The following VTI1A variants were observed in gnomAD, a reference collection of about 807,000 sequenced individuals.
VTI1A encodes the protein vesicle transport through interaction with t-SNAREs 1A, also known as vesicle transport through interaction with t-SNAREs homolog 1A.
In VTI1A, 22 loss-of-function variants were observed where a neutral mutation model predicts 34.9. That is an observed-to-expected ratio of 0.63 (90% CI 0.45 to 0.90). The LOEUF is 0.90. VTI1A is among the 40% of genes least tolerant of loss of function. The pLI is 0.00. For missense variants in VTI1A, 268 were observed against 275.6 expected (o/e 0.97, Z 0.20); for synonymous variants, 87 against 97.3 (o/e 0.89, Z 0.62).
At chr10:112,610,088 A>C (rs952219988) in intron 5 of VTI1A, among the ~76,000 whole-genome samples, 2 of 152,206 alleles carry the variant, frequency 1.3e-5, no homozygotes, top group African/African-American at 4.8e-5. Flanking sequence ...AAAGAAAAAA[A>C]AATGAGGCGC....
At chr10:112,800,703 T>C (rs1852848434) in intron 7 of VTI1A, among the ~76,000 whole-genome samples, 1 of 152,208 alleles carries the variant, frequency 6.6e-6, no homozygotes. Flanking sequence ...TACTGTTTTC[T>C]TTCATAGAGA....
intron 7 of VTI1A, among the ~76,000 whole-genome samples, chr10:112,680,079 C>T (rs1286525492): frequency 6.6e-6 from 1 of 152,122 alleles, no homozygotes; most frequent in African/African-American, 2.4e-5. Context: ...AGTTTCGTAG[C>T]TAAATACCAT....
In VTI1A at chr10:112,609,491, T is replaced by C. The variant is rs1200805800; in HGVS notation, c.428-58727T>C. ...GATCAGATCTTGTTAATTTTCAAAGTCCTCTTCCTGAATCTAATACTTTTG... is the reference window on the plus strand; with the variant it reads ...GATCAGATCTTGTTAATTTTCAAAGCCCTCTTCCTGAATCTAATACTTTTG... On this transcript the variant is annotated intron_variant, in intron 5 of 7. Coordinates refer to ENST00000393077, the MANE Select transcript of VTI1A (RefSeq NM_145206.4). Among the ~76,000 whole-genome samples the C allele has an allele frequency of 3.9e-5, 6 of 152,224 alleles. No homozygotes were observed. In the South Asian group the frequency reaches 8.3e-4, roughly 21 times the overall value.
chr10:112,662,329 AT>A (rs1436283852), intron 5 of VTI1A, among the ~76,000 whole-genome samples: 2 of 152,124 alleles, frequency 1.3e-5, no homozygotes, highest in African/African-American at 4.8e-5. Flanking sequence ...CTCACAAGTT[AT>A]TGATGCTATG....
intron 5 of VTI1A, among the ~76,000 whole-genome samples, chr10:112,587,144 G>T (rs1331578917): frequency 6.6e-6 from 1 of 152,114 alleles, no homozygotes; most frequent in African/African-American, 2.4e-5. Context: ...CTGCAATAAT[G>T]TTTTAATTAA....
intron 4 of VTI1A, among the ~76,000 whole-genome samples, chr10:112,533,080 A>G (rs1850503077): frequency 6.6e-6 from 1 of 152,120 alleles, no homozygotes; most frequent in Non-Finnish European, 1.5e-5. Flanking sequence ...ATGAGCTATT[A>G]ATCATTTTCA....
intron 7 of VTI1A, among the ~76,000 whole-genome samples, chr10:112,787,532 C>T (rs1453669368): frequency 6.6e-6 from 1 of 152,014 alleles, no homozygotes; most frequent in African/African-American, 2.4e-5. Context: ...TCTCTAAGCT[C>T]TGCTTAAATT....
At chr10:112,491,162 C>A (rs1283709829) in intron 3 of VTI1A, among the ~76,000 whole-genome samples, 2 of 152,038 alleles carry the variant, frequency 1.3e-5, no homozygotes, top group East Asian at 3.9e-4. Context: ...ACATCAAAAT[C>A]CTAGAGGGAA....
chr10:112,706,207 C>T (rs1289863753), intron 7 of VTI1A, among the ~76,000 whole-genome samples: 1 of 152,166 alleles, frequency 6.6e-6, no homozygotes, highest in African/African-American at 2.4e-5. Flanking sequence ...GTTGCCACCT[C>T]CTGAGAACAT....
the VTI1A span, among the ~76,000 whole-genome samples, chr10:112,852,836 T>A: frequency 6.6e-6 from 1 of 152,178 alleles, no homozygotes; most frequent in Non-Finnish European, 1.5e-5. Context: ...TGGAGTGTGG[T>A]GGCACAATCT....
intron 5 of VTI1A, among the ~76,000 whole-genome samples, chr10:112,547,352 G>A (rs1278441670): frequency 6.6e-6 from 1 of 151,564 alleles, no homozygotes; most frequent in Non-Finnish European, 1.5e-5. Context: ...CGAGGTGGGC[G>A]GATCACTTGA....
the VTI1A span, among the ~76,000 whole-genome samples, chr10:112,845,216 T>A: frequency 6.6e-6 from 1 of 152,178 alleles, no homozygotes; most frequent in African/African-American, 2.4e-5. Context: ...GGGTCTTGCC[T>A]GGACGTGGCA....
intron 5 of VTI1A, among the ~76,000 whole-genome samples, chr10:112,613,842 G>A (rs374147272): frequency 6.6e-6 from 1 of 152,192 alleles, no homozygotes; most frequent in East Asian, 1.9e-4. Context: ...GCTTCAGTCG[G>A]AGCTTGGGCG....
chr10:112,587,370 A>C (rs1163525150), intron 5 of VTI1A, among the ~76,000 whole-genome samples: 1 of 152,160 alleles, frequency 6.6e-6, no homozygotes, highest in Non-Finnish European at 1.5e-5. Flanking sequence ...AGAGCTTATA[A>C]CATAGGAGAA....
intron 1 of VTI1A, among the ~76,000 whole-genome samples, chr10:112,456,759 T>C (rs968563913): frequency 6.6e-6 from 1 of 152,180 alleles, no homozygotes; most frequent in African/African-American, 2.4e-5. Context: ...GTGAACATAT[T>C]ACCTAAGCAA....
chr10:112,770,622 G>T (rs1229864797), intron 7 of VTI1A, among the ~76,000 whole-genome samples: 2 of 151,524 alleles, frequency 1.3e-5, no homozygotes, highest in Non-Finnish European at 2.9e-5. Context: ...TAGCCAGGAA[G>T]GTCTCGATCT....
intron 3 of VTI1A, among the ~76,000 whole-genome samples, chr10:112,471,367 A>ATTTTTTTTTTTTT (rs576549183): frequency 9.5e-5 from 9 of 94,396 alleles, no homozygotes; most frequent in East Asian, 6.6e-4. Context: ...ATTCTTATTG[A>ATTTTTTTTTTTTT]TTTTTTTTTT....
Position 112,462,894 on chromosome 10 carries a change from GTTTTTATTTATTTATT to G in VTI1A, c.154-1651_154-1636del, listed in dbSNP as rs543040581. On this transcript the variant is annotated intron_variant, in intron 2 of 7. Transcript: ENST00000393077. ...CTGGGCCAATTTGTTGTTGTTACTG[GTTTTTATTTATTTATT>G]TATTTATTTATTTATTTATTTATTT... Among the ~76,000 whole-genome samples the G allele has an allele frequency of 6.9e-3, 993 of 142,936 alleles. 11 individuals are homozygous for G. The highest frequency in any genetic ancestry group is 0.025 in the African/African-American group (965 of 39,202). 93.8% of individuals were successfully genotyped at this position (142,936 alleles called of 152,430 possible). A position where few individuals can be genotyped will look rare whatever the true frequency, so the allele number is the denominator to read the frequency against.
chr10:112,449,821 G>A (rs375251974), intron 1 of VTI1A: 42 of 152,298 alleles, frequency 2.8e-4, no homozygotes, highest in African/African-American at 9.6e-4. Flanking sequence ...CCCAAACACA[G>A]GAGCTTCATT....
Sources: allele counts gnomAD v4.1 joint callset (sites outside exome capture counted in the v4.1 genomes callset), GRCh38; gene constraint gnomAD v4.1.1; transcripts MANE v1.5; gene names NCBI Gene and HGNC (gene_info 2026-07-23, HGNC 2026-07-21).